The following PTPRG variants were observed in gnomAD, a reference collection of about 807,000 sequenced individuals.
PTPRG encodes the protein receptor-type tyrosine-protein phosphatase gamma.
A neutral mutation model predicts 165.3 loss-of-function variants in PTPRG; 102 were observed. The ratio of observed to expected loss-of-function variants is 0.62; its 90% CI spans 0.53 to 0.73. PTPRG has a LOEUF of 0.73. Ranked by LOEUF, PTPRG falls within the 30% of genes least tolerant of loss-of-function variation. The pLI, the probability that PTPRG is intolerant of heterozygous loss-of-function variation, is 0.00. For missense variants in PTPRG, 1,866 were observed against 1,861.4 expected (o/e 1.00, Z -0.05); for synonymous variants, 675 against 669.5 (o/e 1.01, Z -0.13).
intron 2 of PTPRG, among the ~76,000 whole-genome samples, chr3:61,888,061 C>G (rs1200805958): frequency 3.9e-5 from 6 of 152,104 alleles, no homozygotes; most frequent in Admixed American, 1.3e-4. Flanking sequence ...GATGGTGAAT[C>G]ACGTCTTCCT....
At chr3:62,154,098 A>C (rs183332260) in intron 6 of PTPRG, among the ~76,000 whole-genome samples, 5 of 152,292 alleles carry the variant, frequency 3.3e-5, no homozygotes, top group Non-Finnish European at 7.4e-5. Context: ...TGGTTTTCAA[A>C]ATGTCCCTGG....
intron 2 of PTPRG, among the ~76,000 whole-genome samples, chr3:61,822,789 G>A (rs144985147): frequency 1.5e-3 from 231 of 152,254 alleles, no homozygotes; most frequent in Non-Finnish European, 2.6e-3. Context: ...TACCCTTTTA[G>A]TCAAATGTTT....
intron 6 of PTPRG, among the ~76,000 whole-genome samples, chr3:62,152,267 G>A (rs1704364438): frequency 6.6e-6 from 1 of 151,936 alleles, no homozygotes; most frequent in Non-Finnish European, 1.5e-5. Flanking sequence ...AGCTACTCAG[G>A]AAGCTGAGAG....
intron 12 of PTPRG, among the ~76,000 whole-genome samples, chr3:62,215,552 C>CA (rs67782375): frequency 4.2e-5 from 6 of 141,474 alleles, no homozygotes; most frequent in African/African-American, 1.1e-4. Context: ...GGGAACCCCC[C>CA]CCCCCCGCCA....
chr3:62,026,418 T>C (rs1158863260), intron 4 of PTPRG, among the ~76,000 whole-genome samples: 1 of 152,184 alleles, frequency 6.6e-6, no homozygotes, highest in Non-Finnish European at 1.5e-5. Flanking sequence ...ATGGCTACCA[T>C]GGGCACCTCC....
Position 61,631,913 on chromosome 3 carries a change from G to A in PTPRG, c.85+69541G>A, listed in dbSNP as rs79325375. Among the ~76,000 whole-genome samples, 979 of 152,318 alleles carry A rather than the reference G, an allele frequency of 6.4e-3. 12 individuals are homozygous for A. Among genetic ancestry groups the A allele is most frequent in the African/African-American group, 0.022 (932 of 41,568 alleles). On this transcript the variant is annotated intron_variant, in intron 1 of 29. Coordinates refer to ENST00000474889, the MANE Select transcript of PTPRG (RefSeq NM_002841.4). ...AGGGAAATGTAAATAATCAATTGCT[G>A]TAAAATGATATAGATGCTCTGATTG...
intron 4 of PTPRG, among the ~76,000 whole-genome samples, chr3:62,019,941 A>G (rs1171475788): frequency 6.6e-6 from 1 of 152,162 alleles, no homozygotes; most frequent in African/African-American, 2.4e-5. Context: ...TATTTTTCAG[A>G]TAAAACTGAA....
chr3:61,609,545 GTTTC>G (rs1343237843), intron 1 of PTPRG, among the ~76,000 whole-genome samples: 10 of 152,192 alleles, frequency 6.6e-5, no homozygotes, highest in East Asian at 1.9e-4. Flanking sequence ...CATTCCAGAT[GTTTC>G]TTTCTTTTTT....
intron 4 of PTPRG, among the ~76,000 whole-genome samples, chr3:62,010,370 T>TTG (rs35894531): frequency 0.062 from 9,287 of 149,234 alleles, 362 homozygotes; most frequent in Non-Finnish European, 0.08. Flanking sequence ...CCCTCTCTTC[T>TTG]TGTGTGTGTG....
intron 1 of PTPRG, among the ~76,000 whole-genome samples, chr3:61,588,887 A>G (rs1700501430): frequency 6.6e-6 from 1 of 152,208 alleles, no homozygotes. Context: ...GACTTCTGCA[A>G]CAAACAGCAG....
Position 62,267,704 on chromosome 3 carries a change from C to G in PTPRG, c.2759C>G (p.Ala920Gly). The G allele has an allele frequency of 1.2e-6, 2 of 1,613,172 alleles. No individual in the cohort carries two copies. Among genetic ancestry groups the G allele is most frequent in the African/African-American group, 1.3e-5 (1 of 74,990 alleles). ...NYVDGYNKAK[A>G]YIATQGPLKS... Reference sequence around the variant, plus strand: ...TTGAAGGGTTACAACAAAGCAAAAGCCTACATTGCCACCCAAGGACCTTTG... The same window carrying G: ...TTGAAGGGTTACAACAAAGCAAAAGGCTACATTGCCACCCAAGGACCTTTG... Residue 920 changes from alanine to glycine, a missense_variant, in exon 19 of 30, where the codon GCC becomes GGC. Ala to Gly is a moderately conservative substitution (Grantham distance 60, BLOSUM62 0). This residue lies in a region of PTPRG where 1,452 missense variants were observed against 1,463.0 expected (regional missense o/e 0.99). Transcript: ENST00000474889.
intron 4 of PTPRG, among the ~76,000 whole-genome samples, chr3:62,077,486 A>G (rs986798749): frequency 1.3e-5 from 2 of 152,108 alleles, no homozygotes; most frequent in Non-Finnish European, 2.9e-5. Context: ...GAGGATTAAG[A>G]AAAATAATGT....
rs1700854586 is a variant in PTPRG at position 62,229,887 on chromosome 3, T to G, written c.2289-1338T>G. ...CTCTGCTCCAAAATTCCTGAAAGAGTGAATCTGGCAGAATTCAGAGTAGGG... is the reference window on the plus strand; with the variant it reads ...CTCTGCTCCAAAATTCCTGAAAGAGGGAATCTGGCAGAATTCAGAGTAGGG... On this transcript the variant is annotated intron_variant, in intron 13 of 29. Coordinates refer to ENST00000474889, the MANE Select transcript of PTPRG (RefSeq NM_002841.4). The surrounding 1 kb of genome is among the most constrained non-coding windows in gnomAD (Gnocchi z 4.6). 6.6e-6 allele frequency among the ~76,000 whole-genome samples: 1 copy of G among 152,128 alleles called. No homozygotes were observed. Among genetic ancestry groups the G allele is most frequent in the Non-Finnish European group, 1.5e-5 (1 of 68,022 alleles).
At chr3:61,640,934 G>T (rs1380175019) in intron 1 of PTPRG, among the ~76,000 whole-genome samples, 2 of 152,160 alleles carry the variant, frequency 1.3e-5, no homozygotes, top group East Asian at 1.9e-4. Flanking sequence ...CTGTTGGATT[G>T]CATGGTGCCC....
rs555128138 is a variant in PTPRG, at chr3:61,646,850, TGTC to T, written c.85+84479_85+84481del. Among the ~76,000 whole-genome samples, 155 of 152,312 alleles carry T rather than the reference TGTC, an allele frequency of 1.0e-3. 1 individual carries two copies. The highest frequency in any genetic ancestry group is 1.1e-3 in the Non-Finnish European group (78 of 68,022). On this transcript the variant is annotated intron_variant, in intron 1 of 29. Transcript: ENST00000474889. ...TACTAACCCATTGTTATTTCGAGAATGTCATTATATAAAGGAAATCATACGGTA... is the reference window on the plus strand; with the variant it reads ...TACTAACCCATTGTTATTTCGAGAATATTATATAAAGGAAATCATACGGTA...
At chr3:61,758,985 A>G (rs890347294) in intron 2 of PTPRG, among the ~76,000 whole-genome samples, 3 of 152,164 alleles carry the variant, frequency 2.0e-5, no homozygotes, top group South Asian at 2.1e-4. Flanking sequence ...TCCCTATGCA[A>G]TAGTCTTATA....
intron 15 of PTPRG, among the ~76,000 whole-genome samples, chr3:62,247,104 G>C (rs1221014435): frequency 6.6e-6 from 1 of 152,054 alleles, no homozygotes; most frequent in Non-Finnish European, 1.5e-5. Flanking sequence ...AATAATTATT[G>C]AGCTTTACCA....
chr3:61,661,449 T>G (rs1489081786), intron 1 of PTPRG, among the ~76,000 whole-genome samples: 2 of 152,214 alleles, frequency 1.3e-5, no homozygotes, highest in Non-Finnish European at 2.9e-5. Context: ...TATATCTTAT[T>G]TATCTGGCTT....
At chr3:61,620,911 G>C (rs1701430749) in intron 1 of PTPRG, among the ~76,000 whole-genome samples, 1 of 151,850 alleles carries the variant, frequency 6.6e-6, no homozygotes, top group South Asian at 2.1e-4. Flanking sequence ...TTACAGGCGT[G>C]AGCCACCGCG....
Sources: allele counts gnomAD v4.1 joint callset (sites outside exome capture counted in the v4.1 genomes callset), GRCh38; gene constraint gnomAD v4.1.1; regional missense constraint gnomAD v4.1.1; non-coding constraint Gnocchi (gnomAD v3.1); transcripts MANE v1.5; gene names NCBI Gene and HGNC (gene_info 2026-07-23, HGNC 2026-07-21).